Variants in CNTN5 observed in about 807,000 individuals in gnomAD.
The protein encoded by CNTN5 is contactin-5.
In CNTN5, 77 loss-of-function variants were observed where a neutral mutation model predicts 129.1. That is an observed-to-expected ratio of 0.60 (90% CI 0.50 to 0.72). CNTN5 has a LOEUF of 0.72. Ranked by LOEUF, CNTN5 falls within the 30% of genes least tolerant of loss-of-function variation. The pLI is 0.00. For missense variants in CNTN5, 1,478 were observed against 1,328.8 expected (o/e 1.11, Z -1.75); for synonymous variants, 509 against 465.6 (o/e 1.09, Z -1.20).
At chr11:100,065,286 CT>C (rs973943121) in intron 10 of CNTN5, among the ~76,000 whole-genome samples, 5 of 151,272 alleles carry the variant, frequency 3.3e-5, no homozygotes, top group East Asian at 1.9e-4. Context: ...AAATAGTCTA[CT>C]TTTTTTTTCA....
At chr11:99,613,364 G>T (rs640884) in intron 3 of CNTN5, among the ~76,000 whole-genome samples, 147,785 of 152,258 alleles carry the variant, frequency 0.97, 71,857 homozygotes, top group East Asian at 1. Flanking sequence ...GGGGAGAAGG[G>T]TCCTTGCTTC....
chr11:99,115,605 C>G (rs1858008217), intron 1 of CNTN5, among the ~76,000 whole-genome samples: 1 of 151,950 alleles, frequency 6.6e-6, no homozygotes, highest in Non-Finnish European at 1.5e-5. Context: ...ACTAAAAATA[C>G]AAGAATTAGC....
intron 16 of CNTN5, among the ~76,000 whole-genome samples, chr11:100,227,645 G>A (rs1949406862): frequency 6.6e-6 from 1 of 152,086 alleles, no homozygotes; most frequent in Non-Finnish European, 1.5e-5. Flanking sequence ...ACAGCACCAT[G>A]CATAATCTGG....
chr11:99,880,948 C>A (rs1472239598), intron 6 of CNTN5, among the ~76,000 whole-genome samples: 1 of 151,902 alleles, frequency 6.6e-6, no homozygotes, highest in Non-Finnish European at 1.5e-5. Context: ...ATAAAGTGTA[C>A]CTAAAAATTG....
chr11:99,751,746 A>G (rs1555098458), intron 3 of CNTN5, among the ~76,000 whole-genome samples: 1 of 152,220 alleles, frequency 6.6e-6, no homozygotes, highest in Non-Finnish European at 1.5e-5. Flanking sequence ...CATAGGCTAT[A>G]GTTTGAATGT....
At position 100,314,628 on chromosome 11, in the gene CNTN5, TTG is replaced by T. The variant is rs775607785; in HGVS notation, c.2730+6162_2730+6163del. The stretch of plus-strand genomic sequence containing the variant: ...TGTGATTCACTTGTCTCTGAAATCT[TTG>T]TATTTTCTTCTCTACTAATTGAGGG... On this transcript the variant is annotated intron_variant, in intron 21 of 24. Coordinates refer to ENST00000524871, the MANE Select transcript of CNTN5 (RefSeq NM_014361.4). Among the ~76,000 whole-genome samples the T allele has an allele frequency of 1.2e-4, 19 of 152,248 alleles. 2 individuals carry two copies. The highest frequency in any genetic ancestry group is 3.9e-4 in the East Asian group (2 of 5,158).
At chr11:99,797,664 A>G (rs1945988041) in intron 3 of CNTN5, among the ~76,000 whole-genome samples, 1 of 152,078 alleles carries the variant, frequency 6.6e-6, no homozygotes, top group African/African-American at 2.4e-5. Flanking sequence ...AGTACTTAAA[A>G]ATTTTAGATA....
intron 1 of CNTN5, among the ~76,000 whole-genome samples, chr11:99,137,431 T>C (rs539262670): frequency 6.6e-6 from 1 of 152,248 alleles, no homozygotes; most frequent in African/African-American, 2.4e-5. Flanking sequence ...CTCTCTTTCA[T>C]TTATGCTCAT....
At chr11:100,207,558 T>C (rs926724580) in intron 15 of CNTN5, among the ~76,000 whole-genome samples, 1 of 152,132 alleles carries the variant, frequency 6.6e-6, no homozygotes, top group African/African-American at 2.4e-5. Context: ...ATTTTATCCT[T>C]TCTAACTACT....
At chr11:99,926,690 CA>C in intron 7 of CNTN5, among the ~76,000 whole-genome samples, 1 of 152,056 alleles carries the variant, frequency 6.6e-6, no homozygotes, top group South Asian at 2.1e-4. Context: ...GTAATTGTTC[CA>C]AAAATATTTA....
At chr11:99,141,212 G>C (rs555392306) in intron 1 of CNTN5, among the ~76,000 whole-genome samples, 14 of 151,774 alleles carry the variant, frequency 9.2e-5, no homozygotes, top group Admixed American at 9.2e-4. Flanking sequence ...TTTTTTATTG[G>C]TTCAACCTTG....
rs771381604 is a variant in CNTN5, at chr11:100,256,845, C to A, written c.2164+927C>A. On this transcript the variant is annotated intron_variant, in intron 17 of 24. Coordinates refer to ENST00000524871, the MANE Select transcript of CNTN5 (RefSeq NM_014361.4). ...CCCTCAGGTGCCTATGGCACCAGGGCCCTGGGTTTCAAGCAGAAAACTGGG... is the reference window on the plus strand; with the variant it reads ...CCCTCAGGTGCCTATGGCACCAGGGACCTGGGTTTCAAGCAGAAAACTGGG... 3.5e-4 allele frequency among the ~76,000 whole-genome samples: 53 copies of A among 152,126 alleles called. 1 individual carries two copies. The highest frequency in any genetic ancestry group is 1.3e-3 in the African/African-American group (52 of 41,512).
At position 100,299,353 on chromosome 11, in the gene CNTN5, T is replaced by C; in HGVS notation, c.2577T>C (p.Asp859=). The change falls in exon 20 of 25, where the codon GAT becomes GAC. Residue 859 remains aspartate (D), a synonymous_variant. Coordinates refer to ENST00000524871, the MANE Select transcript of CNTN5 (RefSeq NM_014361.4). The part of the protein sequence containing the change: ...VKVGVYNNKG[D]GPFSQIVVIC... Reference sequence around the variant, plus strand: ...TTGGCGTTTATAACAATAAAGGAGATGGGCCTTTTAGTCAAATTGTGGTCA... The same window carrying C: ...TTGGCGTTTATAACAATAAAGGAGACGGGCCTTTTAGTCAAATTGTGGTCA... The C allele has an allele frequency of 1.2e-6, 2 of 1,609,764 alleles. No homozygotes were observed. Among genetic ancestry groups the C allele is most frequent in the South Asian group, 1.1e-5 (1 of 90,798 alleles).
intron 6 of CNTN5, among the ~76,000 whole-genome samples, chr11:99,914,184 T>A (rs985324060): frequency 6.6e-6 from 1 of 151,994 alleles, no homozygotes; most frequent in Non-Finnish European, 1.5e-5. Flanking sequence ...CTGCAGTGAG[T>A]TATGATCACA....
intron 8 of CNTN5, among the ~76,000 whole-genome samples, chr11:99,970,727 A>G (rs1951227323): frequency 6.6e-6 from 1 of 152,182 alleles, no homozygotes; most frequent in South Asian, 2.1e-4. Flanking sequence ...ATGATTGGTA[A>G]TATTGTAGTT....
chr11:100,204,297 A>AAT (rs10633078), intron 15 of CNTN5, among the ~76,000 whole-genome samples: 323 of 17,512 alleles, frequency 0.018, 16 homozygotes, highest in Middle Eastern at 0.038. Context: ...AACATTGACT[A>AAT]ATATATATAT....
At chr11:100,091,424 C>CTTTTTTTTTTTTTT (rs60075209) in intron 13 of CNTN5, among the ~76,000 whole-genome samples, 17 of 114,442 alleles carry the variant, frequency 1.5e-4, no homozygotes, top group East Asian at 4.7e-4. Context: ...TTTATTTATT[C>CTTTTTTTTTTTTTT]TTTTTTTTTT....
At chr11:99,552,858 G>A (rs752746549) in intron 2 of CNTN5, among the ~76,000 whole-genome samples, 1 of 152,080 alleles carries the variant, frequency 6.6e-6, no homozygotes, top group East Asian at 1.9e-4. Flanking sequence ...GCAGATGTAT[G>A]CACTATTAAC....
chr11:99,768,509 T>C (rs1944834466), intron 3 of CNTN5, among the ~76,000 whole-genome samples: 1 of 152,132 alleles, frequency 6.6e-6, no homozygotes, highest in Non-Finnish European at 1.5e-5. Flanking sequence ...CCATTGATAC[T>C]TTATCTCTTG....
Sources: allele counts gnomAD v4.1 joint callset (sites outside exome capture counted in the v4.1 genomes callset), GRCh38; gene constraint gnomAD v4.1.1; transcripts MANE v1.5; gene names NCBI Gene and HGNC (gene_info 2026-07-23, HGNC 2026-07-21).